TRAPPC8: variants seen among roughly 807,000 people sequenced by gnomAD.
TRAPPC8 encodes the protein trafficking protein particle complex subunit 8, also known as general sporulation gene 1 homolog.
In TRAPPC8, 54 loss-of-function variants were observed where a neutral mutation model predicts 174.3. The ratio of observed to expected loss-of-function variants is 0.31; its 90% CI spans 0.25 to 0.39. The LOEUF is 0.39. Among genes scored for constraint, TRAPPC8 ranks in the 10% least tolerant of loss-of-function variants. TRAPPC8 has a pLI of 1.00. For missense variants in TRAPPC8, 1,531 were observed against 1,699.1 expected, an observed-to-expected ratio of 0.90 and a Z score of 1.74; for synonymous variants, 630 against 579.9, an observed-to-expected ratio of 1.09 and a Z score of -1.24.
intron 4 of TRAPPC8, among the ~76,000 whole-genome samples, chr18:31,914,614 G>T (rs1020583081): frequency 2.0e-5 from 3 of 152,164 alleles, no homozygotes; most frequent in Non-Finnish European, 2.9e-5. Flanking sequence ...TGGATCTGCA[G>T]AGGAAAATTT....
At chr18:31,932,041 A>G (rs142407968) in intron 1 of TRAPPC8, among the ~76,000 whole-genome samples, 4 of 152,210 alleles carry the variant, frequency 2.6e-5, no homozygotes, top group African/African-American at 7.2e-5. Context: ...GAGGCTGTGC[A>G]TGTGCAGGGC....
chr18:31,839,522 A>G, intron 26 of TRAPPC8, 65 bp from the exon 27 acceptor site: 1 of 1,416,194 alleles, frequency 7.1e-7, no homozygotes, highest in Non-Finnish European at 9.5e-7. Context: ...AAAAAAAAGC[A>G]TAGTGTATAT....
chr18:31,839,501 T>A, intron 26 of TRAPPC8, 44 bp from the exon 27 acceptor site: 2 of 1,507,530 alleles, frequency 1.3e-6, no homozygotes, highest in Admixed American at 2.3e-5. Flanking sequence ...AAACACTACC[T>A]TGTTTAAAAA....
At chr18:31,940,540 G>T (rs1020155309) in intron 1 of TRAPPC8, among the ~76,000 whole-genome samples, 24 of 133,630 alleles carry the variant, frequency 1.8e-4, no homozygotes, top group African/African-American at 6.4e-4. Flanking sequence ...AAAATTTTTT[G>T]TTGTTGTTGT....
At chr18:31,938,951 G>A (rs184390995) in intron 1 of TRAPPC8, among the ~76,000 whole-genome samples, 113 of 152,090 alleles carry the variant, frequency 7.4e-4, no homozygotes, top group African/African-American at 2.4e-3. Context: ...ATGGTGGCAC[G>A]AGCCTGTAGT....
At chr18:31,932,874 G>A (rs2037907864) in intron 1 of TRAPPC8, among the ~76,000 whole-genome samples, 1 of 151,710 alleles carries the variant, frequency 6.6e-6, no homozygotes, top group African/African-American at 2.4e-5. Context: ...CCCAGCTACT[G>A]GGGACGCTGA....
chr18:31,919,576 A>G (rs2037292337), intron 2 of TRAPPC8, among the ~76,000 whole-genome samples: 1 of 122,852 alleles, frequency 8.1e-6, no homozygotes. Context: ...AAATAAATAA[A>G]TAAATAAATA....
chr18:31,833,892 C>T (rs1210852358), intron 27 of TRAPPC8, among the ~76,000 whole-genome samples: 1 of 150,724 alleles, frequency 6.6e-6, no homozygotes, highest in Non-Finnish European at 1.5e-5. Flanking sequence ...GTCCCAGTTA[C>T]TCGGGAGGCT....
chr18:31,931,690 T>C (rs557442358), intron 1 of TRAPPC8, among the ~76,000 whole-genome samples, 167 bp from the exon 2 acceptor site: 64 of 152,286 alleles, frequency 4.2e-4, no homozygotes, highest in African/African-American at 1.5e-3. Flanking sequence ...TTCCCTCATA[T>C]ACCAAAAGGG....
intron 12 of TRAPPC8, among the ~76,000 whole-genome samples, chr18:31,880,108 TA>T (rs2145269160): frequency 1.1e-5 from 1 of 91,292 alleles, no homozygotes; most frequent in Non-Finnish European, 2.3e-5. Flanking sequence ...TATATATATA[TA>T]TATATATATA....
At chr18:31,886,494 T>C (rs571585886) in intron 12 of TRAPPC8, among the ~76,000 whole-genome samples, 10 of 152,296 alleles carry the variant, frequency 6.6e-5, no homozygotes, top group Non-Finnish European at 1.3e-4. Flanking sequence ...TTTTTAAAGA[T>C]TTTTTTGGAA....
In TRAPPC8 at chr18:31,855,665, T is replaced by C. The variant is rs2033962030; in HGVS notation, c.3331A>G (p.Asn1111Asp). The change falls in exon 21 of 29, where the codon AAT (asparagine) becomes GAT (aspartate). Residue 1111 changes from asparagine to aspartate, a missense_variant. Transcript: ENST00000283351. ...TCAGTTTTAAACCAACTTACAGTAT[T>C]GGTATTTTCCACATCCACAAAGACT... The part of the protein sequence containing the change: ...MLVFVDVENT[N>D]TSEAGVKEFH... 2 of 1,589,406 alleles carry C rather than the reference T, an allele frequency of 1.3e-6. No homozygotes were observed. Among genetic ancestry groups the C allele is most frequent in the Admixed American group, 2.0e-5 (1 of 51,036 alleles).
At chr18:31,890,043 C>T (rs777412074) in intron 12 of TRAPPC8, among the ~76,000 whole-genome samples, 23 of 152,166 alleles carry the variant, frequency 1.5e-4, no homozygotes, top group Non-Finnish European at 2.5e-4. Context: ...CTCCTTAAGA[C>T]GTAAGACCAT....
chr18:31,860,272 CATAT>C (rs961962491), intron 19 of TRAPPC8, among the ~76,000 whole-genome samples: 17 of 151,960 alleles, frequency 1.1e-4, no homozygotes, highest in African/African-American at 4.1e-4. Flanking sequence ...TTGAATGATA[CATAT>C]ATATAATAGT....
In TRAPPC8 at chr18:31,836,758, CTTTTTTTTTTT is replaced by C. The variant is rs68104803; in HGVS notation, c.3983+2543_3983+2553del. 6.7e-5 allele frequency among the ~76,000 whole-genome samples: 6 copies of C among 89,872 alleles called. 1 individual carries two copies. Among genetic ancestry groups the C allele is most frequent in the Admixed American group, 2.2e-4 (2 of 9,076 alleles). The allele number at this position is 89,872 out of a possible 152,430, so 59.0% of individuals were successfully genotyped here. On this transcript the variant is annotated intron_variant, in intron 27 of 28. Transcript: ENST00000283351. ...AGGACTGAATGAAGCATCTTTCAGT[CTTTTTTTTTTT>C]TTTTTTTTTTGAGACAGAGTCTCGC... is the stretch of plus-strand genomic sequence containing the variant.
At chr18:31,912,314 A>T (rs2036946857) in intron 5 of TRAPPC8, among the ~76,000 whole-genome samples, 1 of 152,160 alleles carries the variant, frequency 6.6e-6, no homozygotes, top group East Asian at 1.9e-4. Flanking sequence ...AATATGGTGA[A>T]ACCCTCTCTC....
At chr18:31,935,504 T>C (rs1260870527) in intron 1 of TRAPPC8, among the ~76,000 whole-genome samples, 1 of 121,772 alleles carries the variant, frequency 8.2e-6, no homozygotes, top group Non-Finnish European at 1.6e-5. Context: ...GCCAAGATCG[T>C]GCCATTGCAC....
Position 31,853,846 on chromosome 18 carries a change from A to C in TRAPPC8, c.3433+3T>G. The C allele has an allele frequency of 5.6e-6, 9 of 1,599,862 alleles. No individual in the cohort carries two copies. The highest frequency in any genetic ancestry group is 7.7e-6 in the Non-Finnish European group (9 of 1,175,142). On this transcript the variant is annotated splice_donor_region_variant and intron_variant, in intron 22 of 28. Coordinates refer to ENST00000283351, the MANE Select transcript of TRAPPC8 (RefSeq NM_014939.5). ...TATTATGTAGCAGGAAAAACAAACA[A>C]ACCTTTGTTTTCAGAAAGATTTACA...
chr18:31,867,566 C>A, intron 16 of TRAPPC8, 90 bp from the exon 17 acceptor site: 1 of 891,992 alleles, frequency 1.1e-6, no homozygotes, highest in East Asian at 2.6e-5. Flanking sequence ...AAAAAAATAA[C>A]ACTAATTAAA....
Sources: allele counts gnomAD v4.1 joint callset (sites outside exome capture counted in the v4.1 genomes callset), GRCh38; gene constraint gnomAD v4.1.1; transcripts MANE v1.5; gene names NCBI Gene and HGNC (gene_info 2026-07-23, HGNC 2026-07-21).